The following RIOX2 variants were observed in gnomAD, a reference collection of about 807,000 sequenced individuals.
RIOX2 encodes the protein 60S ribosomal protein L27a histidine hydroxylase.
RIOX2 carries 43 observed loss-of-function variants against 51.2 expected under a neutral mutation model. That is an observed-to-expected ratio of 0.84 (90% CI 0.66 to 1.08). The LOEUF (loss-of-function observed/expected upper bound fraction) is 1.08. RIOX2 is among the 50% of genes least tolerant of loss of function. The probability of loss-of-function intolerance (pLI) is 0.00; values close to 1 mark genes in which losing one functional copy is unlikely to be tolerated. For synonymous variants in RIOX2, 226 were observed against 218.5 expected (o/e 1.03, Z -0.30); for missense variants, 566 against 561.7 (o/e 1.01, Z -0.08).
chr3:97,963,960 A>T (rs1705778382), intron 2 of RIOX2, among the ~76,000 whole-genome samples: 1 of 152,208 alleles, frequency 6.6e-6, no homozygotes, highest in Admixed American at 6.5e-5. Context: ...GAACAGCATA[A>T]AACAACTTAT....
At chr3:97,958,482 G>T (rs1040383407) in intron 4 of RIOX2, among the ~76,000 whole-genome samples, 4 of 152,168 alleles carry the variant, frequency 2.6e-5, no homozygotes, top group Non-Finnish European at 5.9e-5. Context: ...ACCTGCACAT[G>T]ATTAAGCCAC....
intron 4 of RIOX2, among the ~76,000 whole-genome samples, chr3:97,955,790 A>G (rs975684717): frequency 6.6e-6 from 1 of 152,162 alleles, no homozygotes; most frequent in Admixed American, 6.5e-5. Context: ...GTACTTACAA[A>G]TCTAGGTAGT....
At chr3:97,949,448 C>T (rs1705154228) in intron 7 of RIOX2, among the ~76,000 whole-genome samples, 1 of 152,152 alleles carries the variant, frequency 6.6e-6, no homozygotes, top group African/African-American at 2.4e-5. Flanking sequence ...ATAAATTACC[C>T]AGCCTCAGGT....
At chr3:97,967,703 GCACA>G (rs1197867453) in intron 1 of RIOX2, 71 bp from the exon 2 acceptor site, 2 of 1,075,452 alleles carry the variant, frequency 1.9e-6, no homozygotes, top group Non-Finnish European at 2.6e-6. Flanking sequence ...TGGATCGCGC[GCACA>G]CACAACTGAA....
At chr3:97,961,446 A>G in intron 3 of RIOX2, 143 bp downstream of exon 3, 2 of 857,914 alleles carry the variant, frequency 2.3e-6, no homozygotes, top group Non-Finnish European at 3.3e-6. Context: ...TGATGAAATC[A>G]ATATCTCAGA....
At position 97,967,655 on chromosome 3, in the gene RIOX2, A is replaced by G. The variant is rs1444948548; in HGVS notation, c.-39-23T>C. The stretch of plus-strand genomic sequence containing the variant: ...AACCTACCAAAAGAACAAAACACAC[A>G]TGGTTAGGTTTACAAGGAGTGCCAG... On this transcript the variant is annotated intron_variant, in intron 1 of 9. Coordinates refer to ENST00000394198, the MANE Select transcript of RIOX2 (RefSeq NM_153182.4). 4.1e-6 allele frequency: 6 copies of G among 1,461,502 alleles called. No individual in the cohort carries two copies. The South Asian group carries it at 4.1e-5, about 10-fold the overall frequency. The allele number at this position is 1,461,502 out of a possible 1,614,324, so 90.5% of individuals were successfully genotyped here.
At chr3:97,959,318 T>TG (rs1024109144) in intron 3 of RIOX2, 139 bp from the exon 4 acceptor site, 12 of 829,774 alleles carry the variant, frequency 1.4e-5, no homozygotes, top group African/African-American at 5.4e-5. Flanking sequence ...TTTTTTTTTT[T>TG]TTTTTTTTTT....
rs753134560 is a variant in RIOX2 at position 97,949,965 on chromosome 3, C to T, written c.939G>A (p.Arg313=). The T allele has an allele frequency of 6.2e-7, 1 of 1,613,960 alleles. No individual in the cohort carries two copies. Among genetic ancestry groups the T allele is most frequent in the Admixed American group, 1.7e-5 (1 of 60,008 alleles). ...TGCCCTCCAGCCGGTCTGCAAGTGT[C>T]CTCAGGAAGCCACTTAATCGTCTTG... The part of the protein sequence containing the change: ...VATRRLSGFL[R]TLADRLEGTK... The change falls in exon 7 of 10, where the codon AGG becomes AGA. Residue 313 remains arginine (R), a synonymous_variant. Transcript: ENST00000394198.
intron 8 of RIOX2, among the ~76,000 whole-genome samples, chr3:97,946,881 T>C (rs1249905652): frequency 1.3e-5 from 2 of 152,038 alleles, no homozygotes; most frequent in African/African-American, 4.8e-5. Flanking sequence ...AGCTTTCCAA[T>C]TGACTCCATG....
At chr3:97,971,105 G>T (rs1706112582) in intron 1 of RIOX2, among the ~76,000 whole-genome samples, 1 of 152,200 alleles carries the variant, frequency 6.6e-6, no homozygotes, top group South Asian at 2.1e-4. Context: ...TTATTTTTCT[G>T]ATTGCAGCTG....
At chr3:97,948,861 C>T (rs1290582701) in intron 7 of RIOX2, among the ~76,000 whole-genome samples, 1 of 152,052 alleles carries the variant, frequency 6.6e-6, no homozygotes, top group Non-Finnish European at 1.5e-5. Context: ...CCAATTTCGT[C>T]TGAATTCAGG....
At chr3:97,949,764 T>G (rs1442010568) in intron 7 of RIOX2, 80 bp downstream of exon 7, 18 of 1,323,082 alleles carry the variant, frequency 1.4e-5, no homozygotes, top group Non-Finnish European at 1.9e-5. Context: ...TTCCATCTGT[T>G]CAAAAAGGAG....
At chr3:97,966,942 A>G (rs994604326) in intron 2 of RIOX2, among the ~76,000 whole-genome samples, 4 of 152,192 alleles carry the variant, frequency 2.6e-5, no homozygotes, top group Non-Finnish European at 4.4e-5. Context: ...ATACCCAACA[A>G]TGTCTACCCT....
intron 4 of RIOX2, among the ~76,000 whole-genome samples, chr3:97,956,859 ATAT>A (rs1212238661): frequency 3.3e-5 from 5 of 152,194 alleles, no homozygotes; most frequent in Non-Finnish European, 7.3e-5. Context: ...TGCAAGGTAA[ATAT>A]CATGATCTCT....
chr3:97,943,236 T>C lies in RIOX2; in HGVS notation c.*1948A>G, dbSNP rs749453925. On this transcript the variant is annotated 3_prime_UTR_variant, in exon 10 of 10. Transcript: ENST00000394198. ...GAATTTCTATTTTAGGAGGAAATTA[T>C]TGTGACAAGACTCATGTAATTGTAA... 19 of 1,567,568 alleles carry C rather than the reference T, an allele frequency of 1.2e-5. No homozygotes were observed. Among genetic ancestry groups the C allele is most frequent in the East Asian group, 6.8e-5 (3 of 44,350 alleles).
chr3:97,965,755 T>C (rs1183796706), intron 2 of RIOX2, among the ~76,000 whole-genome samples: 1 of 152,216 alleles, frequency 6.6e-6, no homozygotes, highest in East Asian at 1.9e-4. Flanking sequence ...ACCACACATA[T>C]GCCAAATATC....
intron 5 of RIOX2, among the ~76,000 whole-genome samples, chr3:97,953,356 G>A (rs1174134836): frequency 6.6e-6 from 1 of 151,690 alleles, no homozygotes; most frequent in South Asian, 2.1e-4. Flanking sequence ...GTACATATTT[G>A]TTTAACACAT....
At chr3:97,964,309 T>C (rs1705793443) in intron 2 of RIOX2, among the ~76,000 whole-genome samples, 1 of 152,098 alleles carries the variant, frequency 6.6e-6, no homozygotes, top group African/African-American at 2.4e-5. Context: ...GGTAGGAAAA[T>C]GCCTTAAATT....
intron 2 of RIOX2, among the ~76,000 whole-genome samples, chr3:97,963,865 G>GT (rs1705775183): frequency 6.6e-6 from 1 of 152,048 alleles, no homozygotes; most frequent in South Asian, 2.1e-4. Flanking sequence ...AACCACCTCG[G>GT]TTCAAGTTAT....
Sources: allele counts gnomAD v4.1 joint callset (sites outside exome capture counted in the v4.1 genomes callset), GRCh38; gene constraint gnomAD v4.1.1; transcripts MANE v1.5; gene names NCBI Gene and HGNC (gene_info 2026-07-23, HGNC 2026-07-21).